CCNT1: variants seen among roughly 807,000 people sequenced by gnomAD.
CCNT1 encodes cyclin-T1.
A neutral mutation model predicts 67.3 loss-of-function variants in CCNT1; 18 were observed. The ratio of observed to expected loss-of-function variants is 0.27; its 90% CI spans 0.18 to 0.40. CCNT1 has a LOEUF of 0.40. Ranked by LOEUF, CCNT1 falls within the 10% of genes least tolerant of loss-of-function variation. CCNT1 has a pLI of 1.00. For missense variants in CCNT1, 744 were observed against 884.9 expected (o/e 0.84, Z 2.02); for synonymous variants, 333 against 310.3 (o/e 1.07, Z -0.77).
chr12:48,711,938 G>A (rs12305122), intron 2 of CCNT1, among the ~76,000 whole-genome samples: 2,243 of 151,964 alleles, frequency 0.015, 44 homozygotes, highest in African/African-American at 0.051. Flanking sequence ...GACTACAGGC[G>A]CCCACCGCCA....
chr12:48,702,077 A>C (rs1940280086), intron 3 of CCNT1, among the ~76,000 whole-genome samples: 2 of 151,976 alleles, frequency 1.3e-5, no homozygotes, highest in South Asian at 4.1e-4. Flanking sequence ...TTGTATATTT[A>C]GTAGAGACGG....
In CCNT1 at chr12:48,714,491, G is replaced by GTA; in HGVS notation, c.193_194dup (p.Met66ThrfsTer7). On this transcript the variant is annotated frameshift_variant, in exon 2 of 9. Transcript: ENST00000261900. LOFTEE classifies it high-confidence loss of function. ...ACTGAATCATGTAGAATCGATGCAT[G>GTA]TATACTATAGCAGTGTTGATAGTCA... 1 of 1,610,772 alleles carries GTA rather than the reference G, an allele frequency of 6.2e-7. No individual in the cohort carries two copies. Among genetic ancestry groups the GTA allele is most frequent in the Non-Finnish European group, 8.5e-7 (1 of 1,177,136 alleles).
Position 48,692,969 on chromosome 12 carries a change from A to G in CCNT1, c.*64T>C. ...TTCATAAGTAATTTTCTTAGTCCAAAAAAAAAAAAGAAAAATTATGTGTTT... is the reference window on the plus strand; with the variant it reads ...TTCATAAGTAATTTTCTTAGTCCAAGAAAAAAAAAGAAAAATTATGTGTTT... On this transcript the variant is annotated 3_prime_UTR_variant, in exon 9 of 9. Transcript: ENST00000261900. The G allele has an allele frequency of 9.0e-7, 1 of 1,107,706 alleles. No individual in the cohort carries two copies. Among genetic ancestry groups the G allele is most frequent in the Non-Finnish European group, 1.3e-6 (1 of 793,862 alleles). 68.6% of individuals were successfully genotyped at this position (1,107,706 alleles called of 1,614,324 possible). A position where few individuals can be genotyped will look rare whatever the true frequency, so the allele number is the denominator to read the frequency against.
At position 48,693,868 on chromosome 12, in the gene CCNT1, C is replaced by T. The variant is rs778472029; in HGVS notation, c.1346G>A (p.Arg449Gln). 9.3e-6 allele frequency: 15 copies of T among 1,613,950 alleles called. No individual in the cohort carries two copies. Among genetic ancestry groups the T allele is most frequent in the South Asian group, 3.3e-5 (3 of 91,070 alleles). ...MPIEGSENPE[R>Q]PFLEKADKTA... ...TTTGTCAGCCTTTTCCAGAAAAGGC[C>T]GCTCGGGGTTTTCTGAACCCTCTAT... The change falls in exon 9 of 9, where the codon CGG (arginine) becomes CAG (glutamine). Residue 449 changes from arginine (R) to glutamine (Q), a missense_variant. Physicochemically the swap from Arg to Gln is conservative, Grantham distance 43. Around this residue, in one of 3 missense-constraint regions of CCNT1, gnomAD observed 564 missense variants for 574.2 expected, o/e 0.98. Coordinates refer to ENST00000261900, the MANE Select transcript of CCNT1 (RefSeq NM_001240.4).
chr12:48,707,206 G>A (rs911307866), intron 2 of CCNT1, among the ~76,000 whole-genome samples: 4 of 151,956 alleles, frequency 2.6e-5, no homozygotes, highest in African/African-American at 9.7e-5. Context: ...GGTGATCTAG[G>A]CGTAAAGCAC....
rs1471625586 is a variant in CCNT1, at chr12:48,692,999, AAAG to A, written c.*31_*33del. On this transcript the variant is annotated 3_prime_UTR_variant, in exon 9 of 9. Coordinates refer to ENST00000261900, the MANE Select transcript of CCNT1 (RefSeq NM_001240.4). ...AAAAAGAAAAATTATGTGTTTTTTT[AAAG>A]AAGTTTTTTTCTCCTCTTCTTTTTC... is the stretch of plus-strand genomic sequence containing the variant. 1.2e-5 allele frequency: 17 copies of A among 1,366,668 alleles called. No individual in the cohort carries two copies. Among genetic ancestry groups the A allele is most frequent in the South Asian group, 7.2e-5 (5 of 69,500 alleles). 84.7% of individuals were successfully genotyped at this position (1,366,668 alleles called of 1,614,324 possible).
chr12:48,703,876 T>C (rs1372337903), intron 3 of CCNT1, among the ~76,000 whole-genome samples: 2 of 150,372 alleles, frequency 1.3e-5, no homozygotes, highest in Non-Finnish European at 2.9e-5. Context: ...CGGTGAGCCA[T>C]GATCACACTA....
At chr12:48,712,177 G>C (rs1054103634) in intron 2 of CCNT1, among the ~76,000 whole-genome samples, 1 of 152,044 alleles carries the variant, frequency 6.6e-6, no homozygotes, top group Non-Finnish European at 1.5e-5. Flanking sequence ...TTACATTTCA[G>C]GAGCTATGTC....
chr12:48,699,848 G>T lies in CCNT1; in HGVS notation c.434-8C>A, dbSNP rs1370525095. ...CAATTGTTAGTTCAAAGCCTTAAAA[G>T]AAAAAGTAATGGATTAAAAAACTAT... On this transcript the variant is annotated splice_polypyrimidine_tract_variant and splice_region_variant and intron_variant, in intron 4 of 8. Transcript: ENST00000261900. The T allele has an allele frequency of 6.4e-6, 10 of 1,561,446 alleles. No individual in the cohort carries two copies. In the Admixed American group the frequency reaches 1.6e-4, roughly 25 times the overall value.
intron 3 of CCNT1, among the ~76,000 whole-genome samples, chr12:48,704,173 A>G (rs1245203471): frequency 6.6e-6 from 1 of 152,228 alleles, no homozygotes; most frequent in Non-Finnish European, 1.5e-5. Context: ...AAAAGAAGCC[A>G]CAAATAACAG....
Position 48,693,003 on chromosome 12 carries a change from A to G in CCNT1, c.*30T>C. On this transcript the variant is annotated 3_prime_UTR_variant, in exon 9 of 9. Transcript: ENST00000261900. The stretch of plus-strand genomic sequence containing the variant: ...AGAAAAATTATGTGTTTTTTTAAAG[A>G]AGTTTTTTTCTCCTCTTCTTTTTCT... 1 of 1,375,060 alleles carries G rather than the reference A, an allele frequency of 7.3e-7. No individual in the cohort carries two copies. Among genetic ancestry groups the G allele is most frequent in the Non-Finnish European group, 9.8e-7 (1 of 1,015,628 alleles). 85.2% of individuals were successfully genotyped at this position (1,375,060 alleles called of 1,614,324 possible). A position where few individuals can be genotyped will look rare whatever the true frequency, so the allele number is the denominator to read the frequency against.
chr12:48,699,732 A>G (rs757395734), intron 5 of CCNT1, 46 bp downstream of exon 5: 2 of 1,387,318 alleles, frequency 1.4e-6, no homozygotes, highest in Admixed American at 3.7e-5. Flanking sequence ...CAACCTCTAA[A>G]TGGGAAAACA....
chr12:48,710,010 C>A (rs1258312739), intron 2 of CCNT1, among the ~76,000 whole-genome samples: 1 of 152,010 alleles, frequency 6.6e-6, no homozygotes, highest in African/African-American at 2.4e-5. Flanking sequence ...GCCTCAGCCT[C>A]CCAAGTGAGT....
intron 2 of CCNT1, among the ~76,000 whole-genome samples, chr12:48,709,766 T>TATAAATGTTTG (rs1393232062): frequency 1.3e-5 from 2 of 152,210 alleles, no homozygotes; most frequent in African/African-American, 4.8e-5. Context: ...TCTGGGTCAC[T>TATAAATGTTTG]ATAAACCAAA....
chr12:48,700,318 C>CAAAAA (rs372908471), intron 4 of CCNT1, among the ~76,000 whole-genome samples: 1 of 82,298 alleles, frequency 1.2e-5, no homozygotes, highest in Non-Finnish European at 2.2e-5. Context: ...GACTCCGTCT[C>CAAAAA]AAAAAAAAAA....
At chr12:48,705,640 C>A in intron 3 of CCNT1, 128 bp downstream of exon 3, 1 of 774,386 alleles carries the variant, frequency 1.3e-6, no homozygotes, top group Non-Finnish European at 2.1e-6. Flanking sequence ...CCAATCTAAA[C>A]TTCAATAAAT....
At chr12:48,698,085 C>G (rs572768627) in intron 6 of CCNT1, 53 bp downstream of exon 6, 412 of 1,199,516 alleles carry the variant, frequency 3.4e-4, no homozygotes, top group Non-Finnish European at 4.3e-4. Context: ...GTATCAAACT[C>G]AAGTAAAGTC....
At chr12:48,696,239 TAAAAAAAAAAAAAAAA>T in intron 6 of CCNT1, 77 bp from the exon 7 acceptor site, 6 of 71,662 alleles carry the variant, frequency 8.4e-5, no homozygotes, top group Admixed American at 2.6e-4. Context: ...CTCCATTATT[TAAAAAAAAAAAAAAAA>T]AAAAAAAAAA....
chr12:48,714,391 T>C (rs908618002), intron 2 of CCNT1, 52 bp downstream of exon 2: 1 of 1,112,446 alleles, frequency 9.0e-7, no homozygotes, highest in Non-Finnish European at 1.4e-6. Flanking sequence ...ATGGAATAGG[T>C]AGGTGGAATC....
Sources: allele counts gnomAD v4.1 joint callset (sites outside exome capture counted in the v4.1 genomes callset), GRCh38; gene constraint gnomAD v4.1.1; regional missense constraint gnomAD v4.1.1; transcripts MANE v1.5; gene names NCBI Gene and HGNC (gene_info 2026-07-23, HGNC 2026-07-21).